RARB: variants seen among roughly 807,000 people sequenced by gnomAD.
RARB encodes retinoic acid receptor beta, also known as HBV-activated protein.
In RARB, 17 loss-of-function variants were observed where a neutral mutation model predicts 51.9. The observed-to-expected ratio is 0.33, with a 90% CI of 0.22 to 0.49. The LOEUF is 0.49. Among genes scored for constraint, RARB ranks in the 20% least tolerant of loss-of-function variants. The pLI is 0.99. For synonymous variants in RARB, 215 were observed against 195.4 expected, an observed-to-expected ratio of 1.10 and a Z score of -0.84; for missense variants, 369 against 550.8, an observed-to-expected ratio of 0.67 and a Z score of 3.30.
At chr3:24,935,825 G>A (rs935258216) in intron 2 of RARB, among the ~76,000 whole-genome samples, 1 of 152,138 alleles carries the variant, frequency 6.6e-6, no homozygotes, top group African/African-American at 2.4e-5. Context: ...ATGGCAGTCT[G>A]TTGGCTTATT....
At chr3:24,860,390 A>T (rs111324276) in intron 2 of RARB, among the ~76,000 whole-genome samples, 6,085 of 152,228 alleles carry the variant, frequency 0.04, 154 homozygotes, top group Middle Eastern at 0.061. Flanking sequence ...GAGAGTTGTC[A>T]GCTTGGTTGC....
chr3:25,393,048 CT>C (rs923063358), intron 5 of RARB, among the ~76,000 whole-genome samples: 6 of 151,900 alleles, frequency 3.9e-5, no homozygotes, highest in African/African-American at 1.2e-4. Context: ...CTTTTATTAC[CT>C]TAAGGTATGT....
At chr3:25,052,346 T>G (rs1698349418) in intron 2 of RARB, among the ~76,000 whole-genome samples, 1 of 152,168 alleles carries the variant, frequency 6.6e-6, no homozygotes, top group Non-Finnish European at 1.5e-5. Context: ...AACTCAATTT[T>G]GAGATACAGA....
intron 5 of RARB, among the ~76,000 whole-genome samples, chr3:25,247,189 C>T (rs753847025): frequency 7.9e-5 from 12 of 152,202 alleles, no homozygotes; most frequent in Non-Finnish European, 1.3e-4. Context: ...CTTGAGCATC[C>T]CAGGTCGATT....
chr3:25,283,653 CAG>C lies in RARB; in HGVS notation c.178+109082_178+109083del, dbSNP rs373578303. Among the ~76,000 whole-genome samples, 69 of 152,298 alleles carry C rather than the reference CAG, an allele frequency of 4.5e-4. 1 individual carries two copies. The East Asian group carries it at 9.1e-3, about 20-fold the overall frequency. Reference sequence around the variant, plus strand: ...CTCCCTGACACACCTTGTGAAGAAACAGAGAAATTTTAAGCTGCAGATCAATA... The same window carrying C: ...CTCCCTGACACACCTTGTGAAGAAACAGAAATTTTAAGCTGCAGATCAATA... On this transcript the variant is annotated intron_variant, in intron 5 of 11. Coordinates refer to the RARB transcript ENST00000383772.
At chr3:25,086,129 T>C (rs908185172) in intron 3 of RARB, among the ~76,000 whole-genome samples, 3 of 152,150 alleles carry the variant, frequency 2.0e-5, no homozygotes, top group African/African-American at 4.8e-5. Flanking sequence ...CAACTATTAA[T>C]TTCCTGGGCC....
At chr3:25,004,669 T>G (rs776046300) in intron 2 of RARB, among the ~76,000 whole-genome samples, 1 of 152,178 alleles carries the variant, frequency 6.6e-6, no homozygotes, top group Non-Finnish European at 1.5e-5. Context: ...ATATTGTCAC[T>G]TCTGCAGTGT....
chr3:24,941,127 G>T (rs997843581), intron 2 of RARB, among the ~76,000 whole-genome samples: 1 of 152,026 alleles, frequency 6.6e-6, no homozygotes, highest in East Asian at 1.9e-4. Flanking sequence ...AAGGAAAGGG[G>T]TTCCACTTTT....
At chr3:25,040,700 C>T (rs1698094896) in intron 2 of RARB, among the ~76,000 whole-genome samples, 1 of 152,154 alleles carries the variant, frequency 6.6e-6, no homozygotes, top group African/African-American at 2.4e-5. Context: ...TTGCAGTGAG[C>T]CAGTATCACA....
rs7649172 is a variant in RARB at position 25,589,958 on chromosome 3, A to T, written c.787-3545A>T. Among the ~76,000 whole-genome samples the T allele has an allele frequency of 9.6e-3, 1,460 of 152,316 alleles. 25 individuals are homozygous for T. Among genetic ancestry groups the T allele is most frequent in the African/African-American group, 0.032 (1,333 of 41,568 alleles). On this transcript the variant is annotated intron_variant, in intron 5 of 7. Coordinates refer to ENST00000330688, the MANE Select transcript of RARB (RefSeq NM_000965.5). ...GATTTTAGTGTGACAAAATGAAACG[A>T]CTTGGGTTCTCTCCAGAGACAGAAC... is the stretch of plus-strand genomic sequence containing the variant.
At chr3:24,893,910 G>C (rs967615073) in intron 2 of RARB, among the ~76,000 whole-genome samples, 24 of 152,228 alleles carry the variant, frequency 1.6e-4, no homozygotes, top group African/African-American at 5.3e-4. Context: ...GATAAAGCCA[G>C]TGACTACAAA....
chr3:24,850,843 A>T (rs1040322828), intron 1 of RARB, among the ~76,000 whole-genome samples: 9 of 152,206 alleles, frequency 5.9e-5, no homozygotes, highest in African/African-American at 1.9e-4. Flanking sequence ...GAGGATGCTG[A>T]TGCTGCCAGT....
chr3:25,056,169 A>G (rs1450840698), intron 2 of RARB, among the ~76,000 whole-genome samples: 1 of 152,100 alleles, frequency 6.6e-6, no homozygotes, highest in Non-Finnish European at 1.5e-5. Context: ...AAAGAGAATC[A>G]ACACAAACTA....
chr3:25,007,228 C>A (rs1575115888), intron 2 of RARB, among the ~76,000 whole-genome samples: 1 of 152,236 alleles, frequency 6.6e-6, no homozygotes, highest in Non-Finnish European at 1.5e-5. Flanking sequence ...AAGGAAATTG[C>A]AACATTTGCC....
At chr3:25,157,475 C>T (rs1053865110) in intron 4 of RARB, among the ~76,000 whole-genome samples, 1 of 151,880 alleles carries the variant, frequency 6.6e-6, no homozygotes, top group Non-Finnish European at 1.5e-5. Flanking sequence ...GCAATCTCAG[C>T]TCACTGCAAC....
chr3:24,855,307 G>C (rs1235857354), intron 1 of RARB, among the ~76,000 whole-genome samples: 1 of 152,288 alleles, frequency 6.6e-6, no homozygotes, highest in East Asian at 1.9e-4. Flanking sequence ...AAGGTCCTGG[G>C]GCAAGTGTAT....
At chr3:25,080,256 CAG>C (rs1443472870) in intron 3 of RARB, among the ~76,000 whole-genome samples, 1 of 152,042 alleles carries the variant, frequency 6.6e-6, no homozygotes, top group Non-Finnish European at 1.5e-5. Context: ...GAGCATGTAT[CAG>C]AGCTTTATTT....
At chr3:25,027,724 A>C (rs557979398) in intron 2 of RARB, among the ~76,000 whole-genome samples, 4 of 152,126 alleles carry the variant, frequency 2.6e-5, no homozygotes, top group Non-Finnish European at 4.4e-5. Flanking sequence ...AGTGGCAATT[A>C]TAAGTAACCT....
chr3:25,257,262 G>A (rs1352332538), intron 5 of RARB, among the ~76,000 whole-genome samples: 4 of 152,018 alleles, frequency 2.6e-5, no homozygotes, highest in South Asian at 2.1e-4. Flanking sequence ...GCTCCATTCC[G>A]GGTACCACAT....
Sources: allele counts gnomAD v4.1 joint callset (sites outside exome capture counted in the v4.1 genomes callset), GRCh38; gene constraint gnomAD v4.1.1; transcripts MANE v1.5; gene names NCBI Gene and HGNC (gene_info 2026-07-23, HGNC 2026-07-21).